The following CORIN variants were observed in gnomAD, a reference collection of about 807,000 sequenced individuals.
CORIN encodes atrial natriuretic peptide-converting enzyme.
Under a neutral mutation model 125.3 loss-of-function variants are expected in CORIN, and 117 were observed. That is an observed-to-expected ratio of 0.93 (90% confidence interval 0.80 to 1.09). The LOEUF (loss-of-function observed/expected upper bound fraction) is 1.09. CORIN is among the 50% of genes least tolerant of loss of function. The pLI, the probability that CORIN is intolerant of heterozygous loss-of-function variation, is 0.00. For synonymous variants in CORIN, 450 were observed against 466.4 expected (o/e 0.96, Z 0.45); for missense variants, 1,253 against 1,306.7 (o/e 0.96, Z 0.63).
chr4:47,611,577 T>G (rs576631989), intron 19 of CORIN, among the ~76,000 whole-genome samples: 1 of 152,202 alleles, frequency 6.6e-6, no homozygotes, highest in South Asian at 2.1e-4. Context: ...TATTTGAATA[T>G]CCTTTCTTTC....
At chr4:47,666,256 C>A (rs1038232492) in intron 10 of CORIN, among the ~76,000 whole-genome samples, 6 of 152,166 alleles carry the variant, frequency 3.9e-5, no homozygotes, top group African/African-American at 1.4e-4. Flanking sequence ...TTGCATTCTG[C>A]CATATTCTTT....
intron 5 of CORIN, among the ~76,000 whole-genome samples, chr4:47,734,071 G>C (rs1013252612): frequency 3.9e-5 from 6 of 151,922 alleles, no homozygotes; most frequent in Non-Finnish European, 7.4e-5. Flanking sequence ...CAGGATGGTG[G>C]ACTATTTGGG....
intron 1 of CORIN, among the ~76,000 whole-genome samples, chr4:47,813,528 T>C (rs1560561278): frequency 6.6e-6 from 1 of 152,190 alleles, no homozygotes; most frequent in Non-Finnish European, 1.5e-5. Flanking sequence ...GACATAGAGA[T>C]ATGTTGATAT....
At chr4:47,811,312 TG>T (rs1732051349) in intron 1 of CORIN, among the ~76,000 whole-genome samples, 2 of 152,308 alleles carry the variant, frequency 1.3e-5, no homozygotes, top group African/African-American at 4.8e-5. Flanking sequence ...CCAGAGGTTC[TG>T]GGGAGGGCTT....
At chr4:47,616,674 C>T (rs769462481) in intron 19 of CORIN, among the ~76,000 whole-genome samples, 13 of 151,992 alleles carry the variant, frequency 8.6e-5, no homozygotes, top group Non-Finnish European at 1.0e-4. Context: ...TTGACAAGAA[C>T]GCAACCAGAG....
At chr4:47,832,786 G>C (rs1364471656) in intron 1 of CORIN, among the ~76,000 whole-genome samples, 1 of 152,032 alleles carries the variant, frequency 6.6e-6, no homozygotes, top group Non-Finnish European at 1.5e-5. Context: ...TCAAGCAAAA[G>C]AAAGCTCTAG....
In CORIN at chr4:47,645,142, C is replaced by G; in HGVS notation, c.1896G>C (p.Lys632Asn). 1 of 1,612,994 alleles carries G rather than the reference C, an allele frequency of 6.2e-7. No homozygotes were observed. Among genetic ancestry groups the G allele is most frequent in the South Asian group, 1.1e-5 (1 of 90,962 alleles). Reference sequence around the variant, plus strand: ...GGAACCCATCGCAGATCACTGTGTGCTTCAAACATTGTTTATTGGATGGAC... The same window carrying G: ...GGAACCCATCGCAGATCACTGTGTGGTTCAAACATTGTTTATTGGATGGAC... ...WECPSNKQCL[K>N]HTVICDGFPD... The change falls in exon 14 of 22, where the codon AAG becomes AAC. Residue 632 changes from lysine (K) to asparagine (N), a missense_variant. Coordinates refer to ENST00000273857, the MANE Select transcript of CORIN (RefSeq NM_006587.4).
chr4:47,764,145 T>A (rs964060891), intron 3 of CORIN, among the ~76,000 whole-genome samples: 1 of 151,056 alleles, frequency 6.6e-6, no homozygotes. Context: ...TTCAGAAGAC[T>A]ATTTAATCAC....
chr4:47,837,615 C>T lies in CORIN; in HGVS notation c.63+272G>A, dbSNP rs1046246621. 2.3e-5 allele frequency: 13 copies of T among 568,950 alleles called. No homozygotes were observed. The Admixed American group carries it at 3.5e-4, about 15-fold the overall frequency. 35.2% of individuals were successfully genotyped at this position (568,950 alleles called of 1,614,324 possible). A position where few individuals can be genotyped will look rare whatever the true frequency, so the allele number is the denominator to read the frequency against. ...GACCGGGGTCTCCGGATCGAGCCGA[C>T]TCGAACACTGAAGGAAACCCTGCCC... On this transcript the variant is annotated intron_variant, in intron 1 of 21. Coordinates refer to ENST00000273857, the MANE Select transcript of CORIN (RefSeq NM_006587.4).
intron 3 of CORIN, among the ~76,000 whole-genome samples, chr4:47,781,326 T>C (rs1481832218): frequency 1.3e-5 from 2 of 152,230 alleles, no homozygotes; most frequent in African/African-American, 4.8e-5. Context: ...AACTTTACAA[T>C]TGTGCAAAAG....
Position 47,653,586 on chromosome 4 carries a change from C to T in CORIN, c.1810G>A (p.Asp604Asn), listed in dbSNP as rs1174848143. 3.7e-6 allele frequency: 6 copies of T among 1,614,086 alleles called. No individual in the cohort carries two copies. The highest frequency in any genetic ancestry group is 1.7e-5 in the Admixed American group (1 of 60,022). Residue 604 changes from aspartate (D) to asparagine (N), a missense_variant, in exon 13 of 22, where the codon GAC (aspartate) becomes AAC (asparagine). Transcript: ENST00000273857. ...TCCTCATCACTGTCATCGTCACAGT[C>T]GGCCTGGCCATCACATCTTCTGGAA... ...LASRRCDGQADCDDDSDEENC... is the reference protein window; with the variant it reads ...LASRRCDGQANCDDDSDEENC...
At chr4:47,605,185 G>T (rs1721604014) in intron 19 of CORIN, among the ~76,000 whole-genome samples, 2 of 152,140 alleles carry the variant, frequency 1.3e-5, no homozygotes, top group South Asian at 2.1e-4. Flanking sequence ...ACTTGACACT[G>T]CTTTACTTTT....
chr4:47,694,828 T>C (rs1468333312), intron 5 of CORIN, among the ~76,000 whole-genome samples: 2 of 152,106 alleles, frequency 1.3e-5, no homozygotes, highest in African/African-American at 2.4e-5. Flanking sequence ...AAATCCCTAA[T>C]AGAACAATAT....
chr4:47,608,305 A>G (rs975049549), intron 19 of CORIN, among the ~76,000 whole-genome samples: 6 of 152,196 alleles, frequency 3.9e-5, no homozygotes, highest in Non-Finnish European at 8.8e-5. Context: ...GGGTGACAAG[A>G]GCAAAACTCC....
chr4:47,748,611 T>A (rs962988287), intron 4 of CORIN, among the ~76,000 whole-genome samples: 2 of 152,192 alleles, frequency 1.3e-5, no homozygotes, highest in Non-Finnish European at 2.9e-5. Flanking sequence ...CCAAAACTTG[T>A]ACAGTTTATC....
At chr4:47,716,132 T>C (rs1727076719) in intron 5 of CORIN, among the ~76,000 whole-genome samples, 1 of 152,238 alleles carries the variant, frequency 6.6e-6, no homozygotes, top group South Asian at 2.1e-4. Flanking sequence ...CTTTTGAACA[T>C]CTACCTTGGA....
At chr4:47,736,668 C>T (rs752383995) in intron 5 of CORIN, among the ~76,000 whole-genome samples, 1 of 152,026 alleles carries the variant, frequency 6.6e-6, no homozygotes, top group Non-Finnish European at 1.5e-5. Context: ...CAGTATCAGT[C>T]GTTCCCCTCT....
intron 16 of CORIN, among the ~76,000 whole-genome samples, chr4:47,639,688 G>C (rs765177111): frequency 2.0e-4 from 31 of 152,320 alleles, no homozygotes; most frequent in Non-Finnish European, 4.3e-4. Context: ...CTTTGATCTG[G>C]AGGAAATGAC....
At chr4:47,770,872 G>A (rs1335968687) in intron 3 of CORIN, among the ~76,000 whole-genome samples, 1 of 152,094 alleles carries the variant, frequency 6.6e-6, no homozygotes, top group Non-Finnish European at 1.5e-5. Flanking sequence ...CAGGGACTAG[G>A]GGTATAAGGG....
Sources: allele counts gnomAD v4.1 joint callset (sites outside exome capture counted in the v4.1 genomes callset), GRCh38; gene constraint gnomAD v4.1.1; transcripts MANE v1.5; gene names NCBI Gene and HGNC (gene_info 2026-07-23, HGNC 2026-07-21).